HS6ST3: variants seen among roughly 807,000 people sequenced by gnomAD.
HS6ST3 encodes the protein heparan sulfate 6-O-sulfotransferase 3.
A neutral mutation model predicts 36.7 loss-of-function variants in HS6ST3; 12 were observed. The ratio of observed to expected loss-of-function variants is 0.33; its 90% CI spans 0.21 to 0.53. The LOEUF is 0.53. Ranked by LOEUF, HS6ST3 falls within the 20% of genes least tolerant of loss-of-function variation. The probability of loss-of-function intolerance (pLI) is 0.95; values close to 1 mark genes in which losing one functional copy is unlikely to be tolerated. For missense variants in HS6ST3, 584 were observed against 640.9 expected (o/e 0.91, Z 0.96); for synonymous variants, 240 against 257.5 (o/e 0.93, Z 0.65).
intron 1 of HS6ST3, among the ~76,000 whole-genome samples, chr13:96,514,617 G>A (rs1021487203): frequency 4.6e-5 from 7 of 152,168 alleles, no homozygotes. Flanking sequence ...GACACGCCAA[G>A]AGAAGAAAGG....
intron 1 of HS6ST3, among the ~76,000 whole-genome samples, chr13:96,403,782 A>G (rs1031235426): frequency 6.6e-6 from 1 of 152,226 alleles, no homozygotes; most frequent in Non-Finnish European, 1.5e-5. Flanking sequence ...CAGGGTCATT[A>G]CAGTAGTGAC....
chr13:96,464,120 G>C (rs1285965005), intron 1 of HS6ST3, among the ~76,000 whole-genome samples: 1 of 50,634 alleles, frequency 2.0e-5, no homozygotes, highest in Non-Finnish European at 4.3e-5. Context: ...ACCTCCTCAG[G>C]AAAGGACTGT....
At chr13:96,606,911 C>A (rs2056441162) in intron 1 of HS6ST3, among the ~76,000 whole-genome samples, 1 of 151,584 alleles carries the variant, frequency 6.6e-6, no homozygotes, top group Admixed American at 6.6e-5. Context: ...CTTTAAAGCT[C>A]AAAAATAAAC....
chr13:96,569,373 G>T (rs1007251408), intron 1 of HS6ST3, among the ~76,000 whole-genome samples: 2 of 152,146 alleles, frequency 1.3e-5, no homozygotes, highest in African/African-American at 4.8e-5. Flanking sequence ...CAGCCACCTT[G>T]CCATAAGTCT....
intron 1 of HS6ST3, among the ~76,000 whole-genome samples, chr13:96,310,631 C>G (rs1008993155): frequency 4.3e-5 from 6 of 139,268 alleles, no homozygotes; most frequent in Non-Finnish European, 6.2e-5. Context: ...CTATCTCCCT[C>G]CCTCCCTCCT....
chr13:96,798,193 T>C (rs369952414), intron 1 of HS6ST3, among the ~76,000 whole-genome samples: 26 of 152,104 alleles, frequency 1.7e-4, no homozygotes, highest in African/African-American at 5.8e-4. Flanking sequence ...GGAGTTACCA[T>C]CCCTTCCCCA....
intron 1 of HS6ST3, among the ~76,000 whole-genome samples, chr13:96,193,538 G>A (rs943876817): frequency 3.3e-5 from 5 of 152,114 alleles, no homozygotes; most frequent in African/African-American, 1.2e-4. Context: ...CTCAGACAGC[G>A]ATCAATTTAA....
chr13:96,333,630 T>C (rs568311038), intron 1 of HS6ST3, among the ~76,000 whole-genome samples: 1 of 152,172 alleles, frequency 6.6e-6, no homozygotes, highest in East Asian at 1.9e-4. Flanking sequence ...GGGGTGGAAG[T>C]TCGAGTTATA....
intron 1 of HS6ST3, among the ~76,000 whole-genome samples, chr13:96,791,538 T>C (rs1356585094): frequency 2.0e-5 from 3 of 152,022 alleles, no homozygotes. Flanking sequence ...ATGAAGTTTA[T>C]TTACCATAAA....
In HS6ST3 at chr13:96,784,995, C is replaced by A. The variant is rs191103384; in HGVS notation, c.708-47495C>A. On this transcript the variant is annotated intron_variant, in intron 1 of 1. Transcript: ENST00000376705. ...CCAGCCTGGCCAACAGGGTGAAAAC[C>A]TGTCTCTACGAAAAATACAAAAAAT... Among the ~76,000 whole-genome samples, 7 of 152,188 alleles carry A rather than the reference C, an allele frequency of 4.6e-5. No homozygotes were observed. In the East Asian group the frequency reaches 9.7e-4, roughly 21 times the overall value.
chr13:96,782,986 A>G (rs1256894232), intron 1 of HS6ST3, among the ~76,000 whole-genome samples: 1 of 152,196 alleles, frequency 6.6e-6, no homozygotes, highest in Admixed American at 6.5e-5. Flanking sequence ...AAGAACAAGC[A>G]GAGGCACTGG....
chr13:96,522,547 T>A (rs1489679333), intron 1 of HS6ST3, among the ~76,000 whole-genome samples: 1 of 152,224 alleles, frequency 6.6e-6, no homozygotes. Flanking sequence ...ATTGGGTGCA[T>A]AGGTATTTAG....
At chr13:96,799,869 C>A (rs1422445708) in intron 1 of HS6ST3, among the ~76,000 whole-genome samples, 1 of 149,200 alleles carries the variant, frequency 6.7e-6, no homozygotes, top group Non-Finnish European at 1.5e-5. Context: ...TCATCCCAGT[C>A]TCCTAGTATA....
intron 1 of HS6ST3, among the ~76,000 whole-genome samples, chr13:96,470,202 A>G (rs201073207): frequency 6.6e-6 from 1 of 151,988 alleles, no homozygotes; most frequent in African/African-American, 2.4e-5. Flanking sequence ...TTTTCATTCC[A>G]CACTTTGAAA....
intron 1 of HS6ST3, among the ~76,000 whole-genome samples, chr13:96,110,319 A>G (rs766771645): frequency 2.6e-5 from 4 of 152,014 alleles, no homozygotes; most frequent in African/African-American, 7.2e-5. Flanking sequence ...CTCACTTGTG[A>G]TCATGTGGAG....
intron 1 of HS6ST3, among the ~76,000 whole-genome samples, chr13:96,741,378 A>T (rs965020610): frequency 2.0e-5 from 3 of 152,198 alleles, no homozygotes; most frequent in Non-Finnish European, 4.4e-5. Flanking sequence ...GATCAAATGT[A>T]ATCATGGTTA....
chr13:96,136,618 T>C (rs1255317739), intron 1 of HS6ST3, among the ~76,000 whole-genome samples: 1 of 150,552 alleles, frequency 6.6e-6, no homozygotes, highest in African/African-American at 2.4e-5. Flanking sequence ...GTTCGAGATT[T>C]GGTGGGGACA....
intron 1 of HS6ST3, among the ~76,000 whole-genome samples, chr13:96,700,098 C>T (rs141790202): frequency 6.6e-6 from 1 of 152,218 alleles, no homozygotes; most frequent in East Asian, 1.9e-4. Flanking sequence ...AGACAGCTCT[C>T]CTGTATTAGT....
chr13:96,099,470 A>G (rs1442926501), intron 1 of HS6ST3, among the ~76,000 whole-genome samples: 1 of 152,140 alleles, frequency 6.6e-6, no homozygotes, highest in Non-Finnish European at 1.5e-5. Context: ...CCCAGCATAT[A>G]GTTTTATTTT....
Sources: gnomAD v4.1 joint callset for allele counts (sites outside exome capture counted in the v4.1 genomes callset) on GRCh38, gnomAD v4.1.1 for gene constraint, MANE v1.5 for transcripts, NCBI Gene and HGNC (gene_info 2026-07-23, HGNC 2026-07-21) for gene names.